The following PDE1A variants were observed in gnomAD, a reference collection of about 807,000 sequenced individuals.
The protein encoded by PDE1A is phosphodiesterase 1A, also known as dual specificity calcium/calmodulin-dependent 3',5'-cyclic nucleotide phosphodiesterase 1A.
A neutral mutation model predicts 61.7 loss-of-function variants in PDE1A; 35 were observed. The observed-to-expected ratio is 0.57, with a 90% CI of 0.43 to 0.75. The LOEUF is 0.75. Ranked by LOEUF, PDE1A falls within the 30% of genes least tolerant of loss-of-function variation. The pLI, the probability that PDE1A is intolerant of heterozygous loss-of-function variation, is 0.00. For synonymous variants in PDE1A, 232 were observed against 213.2 expected, an observed-to-expected ratio of 1.09 and a Z score of -0.77; for missense variants, 597 against 630.6, an observed-to-expected ratio of 0.95 and a Z score of 0.57.
intron 2 of PDE1A, among the ~76,000 whole-genome samples, chr2:182,242,593 T>C (rs1690604051): frequency 6.6e-6 from 1 of 152,206 alleles, no homozygotes; most frequent in Admixed American, 6.5e-5. Context: ...TTTTTAGATG[T>C]GATTAACATT....
chr2:182,444,297 A>G (rs1241018755), intron 2 of PDE1A, among the ~76,000 whole-genome samples: 1 of 152,148 alleles, frequency 6.6e-6, no homozygotes, highest in African/African-American at 2.4e-5. Flanking sequence ...TCTTGCTTCT[A>G]GAAGTCTTCC....
At chr2:182,360,589 G>C (rs937788850) in intron 1 of PDE1A, among the ~76,000 whole-genome samples, 1 of 148,638 alleles carries the variant, frequency 6.7e-6, no homozygotes, top group South Asian at 2.1e-4. Context: ...AGTGGGCATA[G>C]TGCCCAGGGC....
chr2:182,464,919 T>C (rs988126971), intron 2 of PDE1A, among the ~76,000 whole-genome samples: 5 of 152,136 alleles, frequency 3.3e-5, no homozygotes, highest in African/African-American at 9.7e-5. Flanking sequence ...GAACTACTGA[T>C]ACATGATGAA....
chr2:182,168,483 G>C (rs1360411098), intron 13 of PDE1A, among the ~76,000 whole-genome samples: 2 of 151,924 alleles, frequency 1.3e-5, no homozygotes, highest in Non-Finnish European at 2.9e-5. Flanking sequence ...TGAAACTTTT[G>C]TGATTCTTGT....
the PDE1A span, among the ~76,000 whole-genome samples, chr2:182,560,772 G>A: frequency 6.6e-6 from 1 of 151,790 alleles, no homozygotes; most frequent in East Asian, 1.9e-4. Flanking sequence ...AGTGTGAGAT[G>A]GTATCTCATT....
intron 2 of PDE1A, among the ~76,000 whole-genome samples, chr2:182,516,706 A>AAGGG (rs71008227): frequency 5.7e-4 from 17 of 29,810 alleles, no homozygotes; most frequent in African/African-American, 2.9e-3. Flanking sequence ...GGAAGGGAGG[A>AAGGG]AGGAAGGAAG....
chr2:182,561,532 A>G, the PDE1A span, among the ~76,000 whole-genome samples: 12 of 152,058 alleles, frequency 7.9e-5, no homozygotes, highest in Admixed American at 2.6e-4. Context: ...TTGACTTGGC[A>G]ATGCGGGCTC....
intron 2 of PDE1A, among the ~76,000 whole-genome samples, chr2:182,446,375 G>A (rs1318598188): frequency 6.6e-5 from 10 of 152,024 alleles, no homozygotes; most frequent in Admixed American, 4.6e-4. Flanking sequence ...ATATCATAAA[G>A]GCATGCTGTT....
intron 7 of PDE1A, among the ~76,000 whole-genome samples, chr2:182,210,605 T>C (rs1264319753): frequency 2.0e-5 from 3 of 152,218 alleles, no homozygotes; most frequent in Non-Finnish European, 4.4e-5. Flanking sequence ...GTGGCTTGTC[T>C]TTTTAGTCTC....
At chr2:182,653,332 G>A in the PDE1A span, among the ~76,000 whole-genome samples, 79 of 152,180 alleles carry the variant, frequency 5.2e-4, no homozygotes, top group African/African-American at 1.6e-3. Context: ...GAGACACCTC[G>A]CTATGTATCG....
chr2:182,641,201 G>C, the PDE1A span, among the ~76,000 whole-genome samples: 1 of 152,022 alleles, frequency 6.6e-6, no homozygotes, highest in East Asian at 1.9e-4. Flanking sequence ...AAAGATGGTT[G>C]CCTATGTAAG....
At chr2:182,510,970 A>T (rs1170357388) in intron 2 of PDE1A, among the ~76,000 whole-genome samples, 1 of 152,196 alleles carries the variant, frequency 6.6e-6, no homozygotes, top group Non-Finnish European at 1.5e-5. Flanking sequence ...ATTGATTCTG[A>T]TAAGAAAAGT....
chr2:182,644,392 T>C, the PDE1A span, among the ~76,000 whole-genome samples: 1 of 151,478 alleles, frequency 6.6e-6, no homozygotes, highest in Non-Finnish European at 1.5e-5. Context: ...TTTCTAGAGT[T>C]AATGGATCAA....
chr2:182,358,275 C>G (rs1699308445), intron 1 of PDE1A, among the ~76,000 whole-genome samples: 1 of 152,138 alleles, frequency 6.6e-6, no homozygotes, highest in Non-Finnish European at 1.5e-5. Context: ...CTCAGCCACT[C>G]TCCCTCAAGG....
rs1440968468 is a variant in PDE1A at position 182,170,955 on chromosome 2, A to C, written c.1517-2665T>G. Among the ~76,000 whole-genome samples, 3 of 151,972 alleles carry C rather than the reference A, an allele frequency of 2.0e-5. No homozygotes were observed. In the East Asian group the frequency reaches 5.8e-4, roughly 29 times the overall value. On this transcript the variant is annotated intron_variant, in intron 13 of 13. Coordinates refer to ENST00000351439, the Ensembl canonical transcript of PDE1A. ...AAATACTATGTTAATCATAAGGCAA[A>C]TTTGATCTTTTAATAATGTTAATAC...
chr2:182,305,279 TC>T lies in PDE1A; in HGVS notation c.54-40866del, dbSNP rs1311784854. On this transcript the variant is annotated intron_variant, in intron 1 of 13. Coordinates refer to ENST00000351439, the Ensembl canonical transcript of PDE1A. ...CAACTAATCTCCAGGTACCTCAACT[TC>T]CCCCGTTGTTAAGTAAGTTTTTCCT... Among the ~76,000 whole-genome samples the T allele has an allele frequency of 1.1e-3, 172 of 152,108 alleles. 1 individual carries two copies. The highest frequency in any genetic ancestry group is 3.8e-3 in the African/African-American group (159 of 41,482).
At chr2:182,427,546 A>G (rs2125616894), upstream of PDE1A, among the ~76,000 whole-genome samples, 1 of 152,188 alleles carries the variant, frequency 6.6e-6, no homozygotes, top group Non-Finnish European at 1.5e-5. Context: ...AGCCCCTCCA[A>G]AGTGCCTGGG....
intron 7 of PDE1A, 113 bp downstream of exon 7, chr2:182,223,751 T>C: frequency 1.7e-6 from 1 of 593,038 alleles, no homozygotes; most frequent in Non-Finnish European, 2.8e-6. Flanking sequence ...AAAAATTAAT[T>C]AAACCTGTTC....
chr2:182,422,086 A>T (rs988286113), intron 1 of PDE1A, among the ~76,000 whole-genome samples: 1 of 152,212 alleles, frequency 6.6e-6, no homozygotes, highest in Non-Finnish European at 1.5e-5. Context: ...GATGTTCACT[A>T]GTCTTGAAAC....
Sources: gnomAD v4.1 joint callset for allele counts (sites outside exome capture counted in the v4.1 genomes callset) on GRCh38, gnomAD v4.1.1 for gene constraint, MANE v1.5 for transcripts, NCBI Gene and HGNC (gene_info 2026-07-23, HGNC 2026-07-21) for gene names.